The following CDH4 variants were observed in gnomAD, a reference collection of about 807,000 sequenced individuals.
CDH4 encodes the protein cadherin 4, also known as cadherin-4.
CDH4 carries 33 observed loss-of-function variants against 86.0 expected under a neutral mutation model. That is an observed-to-expected ratio of 0.38 (90% confidence interval 0.29 to 0.51). The LOEUF (loss-of-function observed/expected upper bound fraction) is 0.51. Ranked by LOEUF, CDH4 falls within the 20% of genes least tolerant of loss-of-function variation. The pLI is 0.86. For missense variants in CDH4, 1,114 were observed against 1,307.4 expected (o/e 0.85, Z 2.28); for synonymous variants, 555 against 549.4 (o/e 1.01, Z -0.14).
chr20:61,405,270 A>G (rs2085075460), intron 2 of CDH4, among the ~76,000 whole-genome samples: 1 of 151,080 alleles, frequency 6.6e-6, no homozygotes, highest in Non-Finnish European at 1.5e-5. Context: ...TCGGGCAGTG[A>G]TTCCGTAATC....
intron 2 of CDH4, among the ~76,000 whole-genome samples, chr20:61,689,261 G>T (rs2087625652): frequency 1.2e-5 from 1 of 84,070 alleles, no homozygotes; most frequent in South Asian, 6.8e-4. Context: ...GTGGAATTGG[G>T]CTGGGACAGT....
chr20:61,853,211 G>T (rs8116790), intron 6 of CDH4, among the ~76,000 whole-genome samples: 1 of 152,106 alleles, frequency 6.6e-6, no homozygotes, highest in Admixed American at 6.5e-5. Flanking sequence ...TGCAGCTGGC[G>T]TGTGGGCTGG....
At chr20:61,705,983 T>C (rs1335129207) in intron 2 of CDH4, among the ~76,000 whole-genome samples, 1 of 152,170 alleles carries the variant, frequency 6.6e-6, no homozygotes, top group East Asian at 1.9e-4. Flanking sequence ...CGCCTGTGGA[T>C]TTCTCCCCCA....
chr20:61,449,567 G>A (rs1231197656), intron 2 of CDH4, among the ~76,000 whole-genome samples: 1 of 151,930 alleles, frequency 6.6e-6, no homozygotes. Flanking sequence ...AAGAGAAGGA[G>A]GAAAAGAAAG....
At chr20:61,699,432 C>T (rs1482419685) in intron 2 of CDH4, among the ~76,000 whole-genome samples, 3 of 152,212 alleles carry the variant, frequency 2.0e-5, no homozygotes, top group Admixed American at 6.5e-5. Flanking sequence ...GCCAGCTGCC[C>T]CTCTCCACAG....
intron 2 of CDH4, among the ~76,000 whole-genome samples, chr20:61,643,856 G>C (rs1245790525): frequency 6.6e-6 from 1 of 152,248 alleles, no homozygotes; most frequent in Admixed American, 6.5e-5. Flanking sequence ...GGCATCCCCA[G>C]TAGGCGGAGC....
intron 8 of CDH4, among the ~76,000 whole-genome samples, chr20:61,906,446 G>A (rs969919709): frequency 6.6e-5 from 10 of 152,274 alleles, no homozygotes; most frequent in African/African-American, 2.2e-4. Context: ...GACCGGAGCG[G>A]CATGGTCCTG....
rs138017645 is a variant in CDH4, at chr20:61,502,010, T to A, written c.170-241553T>A. Among the ~76,000 whole-genome samples, 417 of 151,626 alleles carry A rather than the reference T, an allele frequency of 2.8e-3. 2 individuals carry two copies. The highest frequency in any genetic ancestry group is 9.6e-3 in the African/African-American group (397 of 41,176). On this transcript the variant is annotated intron_variant, in intron 2 of 15. Coordinates refer to ENST00000614565, the MANE Select transcript of CDH4 (RefSeq NM_001794.5). ...CCCTTTAGTGGGCGCGTGAGGGCTGTGGGTCACAGTTTCCAAGACTGATGG... is the reference window on the plus strand; with the variant it reads ...CCCTTTAGTGGGCGCGTGAGGGCTGAGGGTCACAGTTTCCAAGACTGATGG...
intron 2 of CDH4, among the ~76,000 whole-genome samples, chr20:61,654,568 A>C (rs1187012110): frequency 6.6e-6 from 1 of 152,180 alleles, no homozygotes; most frequent in Non-Finnish European, 1.5e-5. Context: ...TTAACTTTTC[A>C]CCTGGCTCTT....
chr20:61,674,443 A>G (rs1298999222), intron 2 of CDH4, among the ~76,000 whole-genome samples: 1 of 151,794 alleles, frequency 6.6e-6, no homozygotes. Context: ...CGTGCAGACA[A>G]TGGGAAGGAC....
At chr20:61,918,411 AT>A (rs1341628594) in intron 9 of CDH4, among the ~76,000 whole-genome samples, 2 of 152,128 alleles carry the variant, frequency 1.3e-5, no homozygotes, top group Admixed American at 1.3e-4. Flanking sequence ...CACTCCCTAT[AT>A]CCCCCAGGCA....
rs1177962050 is a variant in CDH4, at chr20:61,365,308, C to T, written c.169+110371C>T. 3.9e-5 allele frequency among the ~76,000 whole-genome samples: 6 copies of T among 152,284 alleles called. No individual in the cohort carries two copies. In the East Asian group the frequency reaches 1.2e-3, roughly 29 times the overall value. ...GAAACCTAAGTAAGTACAAAGATGT[C>T]TTCTTCGTGGGGCTTGGCTTCTCTT... On this transcript the variant is annotated intron_variant, in intron 2 of 15. Transcript: ENST00000614565.
At chr20:61,905,711 G>T (rs2427238) in intron 8 of CDH4, among the ~76,000 whole-genome samples, 141,436 of 152,198 alleles carry the variant, frequency 0.93, 65,876 homozygotes, top group East Asian at 1. Context: ...ACCACAGACA[G>T]CCAGGTGCAC....
intron 6 of CDH4, 146 bp downstream of exon 6, chr20:61,853,044 G>A (rs1479338579): frequency 4.1e-5 from 34 of 822,482 alleles, no homozygotes; most frequent in East Asian, 8.0e-5. Context: ...TGCAGCAGAC[G>A]TCCACCAAAG....
intron 2 of CDH4, among the ~76,000 whole-genome samples, chr20:61,453,801 C>A (rs1247303373): frequency 6.6e-6 from 1 of 152,214 alleles, no homozygotes; most frequent in Non-Finnish European, 1.5e-5. Flanking sequence ...ATAATCCCCA[C>A]ATGTTGTGGG....
chr20:61,891,707 A>ACCC (rs1984828501), intron 7 of CDH4, among the ~76,000 whole-genome samples: 1 of 150,094 alleles, frequency 6.7e-6, no homozygotes, highest in East Asian at 2.0e-4. Context: ...AGCCACAGTC[A>ACCC]CCCTGTTCTG....
At chr20:61,705,977 T>C (rs1437296774) in intron 2 of CDH4, among the ~76,000 whole-genome samples, 2 of 152,216 alleles carry the variant, frequency 1.3e-5, no homozygotes, top group Non-Finnish European at 2.9e-5. Flanking sequence ...TAAAGGCGCC[T>C]GTGGATTTCT....
At chr20:61,788,846 C>T (rs1345100420) in intron 4 of CDH4, among the ~76,000 whole-genome samples, 1 of 152,174 alleles carries the variant, frequency 6.6e-6, no homozygotes, top group Non-Finnish European at 1.5e-5. Flanking sequence ...GAAGTAGATG[C>T]GTGGGAGGGG....
At chr20:61,711,706 T>C (rs576801346) in intron 2 of CDH4, among the ~76,000 whole-genome samples, 1 of 152,162 alleles carries the variant, frequency 6.6e-6, no homozygotes, top group Non-Finnish European at 1.5e-5. Flanking sequence ...GATTTGGACA[T>C]CTGGGGAGGG....
Sources: gnomAD v4.1 joint callset for allele counts (sites outside exome capture counted in the v4.1 genomes callset) on GRCh38, gnomAD v4.1.1 for gene constraint, MANE v1.5 for transcripts, NCBI Gene and HGNC (gene_info 2026-07-23, HGNC 2026-07-21) for gene names.